ATL1: variants seen among roughly 807,000 people sequenced by gnomAD.
ATL1 encodes atlastin-1.
In ATL1, 31 loss-of-function variants were observed where a neutral mutation model predicts 75.5. That is an observed-to-expected ratio of 0.41 (90% CI 0.31 to 0.55). The LOEUF is 0.55. Among genes scored for constraint, ATL1 ranks in the 20% least tolerant of loss-of-function variants. The probability of loss-of-function intolerance (pLI) is 0.27; values close to 1 mark genes in which losing one functional copy is unlikely to be tolerated. For synonymous variants in ATL1, 226 were observed against 233.3 expected (o/e 0.97, Z 0.28); for missense variants, 405 against 662.6 (o/e 0.61, Z 4.27).
chr14:50,590,898 T>C (rs769529177), intron 2 of ATL1, 43 bp from the exon 3 acceptor site: 2 of 1,598,736 alleles, frequency 1.3e-6, no homozygotes, highest in South Asian at 1.1e-5. Flanking sequence ...AAAAACTATA[T>C]ACACATATCA....
At chr14:50,622,763 T>C (rs2039480442) in intron 10 of ATL1, among the ~76,000 whole-genome samples, 1 of 152,162 alleles carries the variant, frequency 6.6e-6, no homozygotes, top group Admixed American at 6.5e-5. Context: ...TCTTAATAGT[T>C]CCTTTTTGTT....
chr14:50,617,364 G>T (rs1269363333), intron 8 of ATL1, among the ~76,000 whole-genome samples: 1 of 152,114 alleles, frequency 6.6e-6, no homozygotes, highest in Admixed American at 6.6e-5. Flanking sequence ...AAATAACAAG[G>T]AGTTATCCTT....
At chr14:50,568,335 A>G (rs964005871) in intron 1 of ATL1, among the ~76,000 whole-genome samples, 1 of 152,104 alleles carries the variant, frequency 6.6e-6, no homozygotes, top group African/African-American at 2.4e-5. Flanking sequence ...GTTTGAGGCT[A>G]TAATGTGCTA....
chr14:50,545,952 C>T lies in ATL1; in HGVS notation c.-140+12585C>T, dbSNP rs181309812. Among the ~76,000 whole-genome samples, 409 of 152,280 alleles carry T rather than the reference C, an allele frequency of 2.7e-3. 4 individuals are homozygous for T. Among genetic ancestry groups the T allele is most frequent in the South Asian group, 0.02 (96 of 4,828 alleles). The stretch of plus-strand genomic sequence containing the variant: ...ATAGTTCATCAGATCTTCTGAAGCT[C>T]TCTATTTCTCTCTTTTCTTTTCTGC... On this transcript the variant is annotated intron_variant, in intron 1 of 13. Transcript: ENST00000441560.
At chr14:50,556,747 TG>T (rs1278762306), upstream of ATL1, among the ~76,000 whole-genome samples, 1 of 152,202 alleles carries the variant, frequency 6.6e-6, no homozygotes, top group African/African-American at 2.4e-5. Flanking sequence ...TCATATAATA[TG>T]TGGTCTTTGT....
At chr14:50,607,095 G>A (rs2140220692) in intron 6 of ATL1, among the ~76,000 whole-genome samples, 1 of 152,122 alleles carries the variant, frequency 6.6e-6, no homozygotes, top group East Asian at 1.9e-4. Context: ...TCAGAGTGTT[G>A]TTGAGACAGA....
chr14:50,542,551 TGGAAGAGTATACACTGAGGTGGCCTGAG>T (rs2038579162), intron 1 of ATL1: 1 of 152,162 alleles, frequency 6.6e-6, no homozygotes, highest in Non-Finnish European at 1.5e-5. Flanking sequence ...CGTTGTCAAA[TGGAAGAGTATACACTGAGGTGGCCTGAG>T]ATGATCTGGA....
intron 6 of ATL1, among the ~76,000 whole-genome samples, chr14:50,596,558 C>G (rs1242361665): frequency 6.6e-6 from 1 of 152,104 alleles, no homozygotes; most frequent in Non-Finnish European, 1.5e-5. Flanking sequence ...GGTGTATGTA[C>G]AAAAGTTTAC....
At chr14:50,544,983 A>G (rs911588616) in intron 1 of ATL1, among the ~76,000 whole-genome samples, 3 of 149,776 alleles carry the variant, frequency 2.0e-5, no homozygotes, top group African/African-American at 7.4e-5. Context: ...ATAATGTAAC[A>G]GGTCCCTCAC....
chr14:50,539,822 C>T (rs2038538433), intron 1 of ATL1, among the ~76,000 whole-genome samples: 1 of 152,190 alleles, frequency 6.6e-6, no homozygotes, highest in Non-Finnish European at 1.5e-5. Context: ...TTACTAGAAG[C>T]TTGTTCTCAA....
At chr14:50,548,199 C>A (rs2038658426) in intron 1 of ATL1, among the ~76,000 whole-genome samples, 1 of 152,160 alleles carries the variant, frequency 6.6e-6, no homozygotes, top group South Asian at 2.1e-4. Context: ...GCAGCTTGTT[C>A]CCCAGACAGT....
intron 1 of ATL1, among the ~76,000 whole-genome samples, chr14:50,552,980 G>A (rs1202692504): frequency 1.3e-5 from 2 of 152,048 alleles, no homozygotes; most frequent in Non-Finnish European, 2.9e-5. Context: ...GAATCCGAAA[G>A]CAAATGCAAC....
At chr14:50,581,914 A>C (rs2039059148) in intron 1 of ATL1, among the ~76,000 whole-genome samples, 1 of 152,202 alleles carries the variant, frequency 6.6e-6, no homozygotes, top group African/African-American at 2.4e-5. Context: ...GAAAGATAGA[A>C]TGAACTAGAA....
At chr14:50,598,859 G>A (rs1006406882) in intron 6 of ATL1, among the ~76,000 whole-genome samples, 3 of 149,782 alleles carry the variant, frequency 2.0e-5, no homozygotes, top group African/African-American at 7.3e-5. Flanking sequence ...GGAAATAAAT[G>A]GGTTAATAGT....
rs76280767 is a variant in ATL1, at chr14:50,544,469, A to G, written c.-140+11102A>G. On this transcript the variant is annotated intron_variant, in intron 1 of 13. Coordinates refer to the ATL1 transcript ENST00000441560. Reference sequence around the variant, plus strand: ...GTTTAGGCTTGGACAATTCTGGACAATGACACAGGAGGAAAAGTCTGCTGG... The same window carrying G: ...GTTTAGGCTTGGACAATTCTGGACAGTGACACAGGAGGAAAAGTCTGCTGG... Among the ~76,000 whole-genome samples the G allele has an allele frequency of 6.8e-3, 1,029 of 152,294 alleles. 3 individuals carry two copies. Among genetic ancestry groups the G allele is most frequent in the Middle Eastern group, 0.027 (8 of 294 alleles).
intron 1 of ATL1, among the ~76,000 whole-genome samples, chr14:50,584,033 TAAC>T (rs994882668): frequency 6.3e-4 from 96 of 152,282 alleles, no homozygotes; most frequent in Middle Eastern, 3.4e-3. Context: ...ACCCTACAAA[TAAC>T]AACTTCTGAT....
chr14:50,567,161 TCTA>T (rs1248567512), intron 1 of ATL1, among the ~76,000 whole-genome samples: 1 of 152,212 alleles, frequency 6.6e-6, no homozygotes, highest in African/African-American at 2.4e-5. Flanking sequence ...CAGCCACCAT[TCTA>T]CTTTCTTTCA....
At chr14:50,551,484 C>G (rs1043015043) in intron 1 of ATL1, among the ~76,000 whole-genome samples, 1 of 151,990 alleles carries the variant, frequency 6.6e-6, no homozygotes, top group African/African-American at 2.4e-5. Flanking sequence ...GAAACTATTT[C>G]AAAAGATAAA....
chr14:50,587,939 T>A lies in ATL1; in HGVS notation c.143T>A (p.Leu48Ter). 1.2e-6 allele frequency: 2 copies of A among 1,614,154 alleles called. No homozygotes were observed. The highest frequency in any genetic ancestry group is 1.7e-6 in the Non-Finnish European group (2 of 1,180,026). The change falls in exon 2 of 14, where the codon TTA (leucine) becomes TAA (stop). Residue 48 changes from leucine to a stop codon, truncating the protein, a stop_gained. Transcript: ENST00000358385. LOFTEE classifies it high-confidence loss of function. ...LIVKDDHSFE[L>*]DETALNRILL... ...GTCAAAGATGACCATTCCTTTGAGTTAGATGAAACTGCATTAAATCGGATC... is the reference window on the plus strand; with the variant it reads ...GTCAAAGATGACCATTCCTTTGAGTAAGATGAAACTGCATTAAATCGGATC...
Sources: allele counts gnomAD v4.1 joint callset (sites outside exome capture counted in the v4.1 genomes callset), GRCh38; gene constraint gnomAD v4.1.1; transcripts MANE v1.5; gene names NCBI Gene and HGNC (gene_info 2026-07-23, HGNC 2026-07-21).